MIPOL1: variants seen among roughly 807,000 people sequenced by gnomAD.
MIPOL1 encodes the protein mirror-image polydactyly gene 1 protein.
Under a neutral mutation model 60.9 loss-of-function variants are expected in MIPOL1, and 57 were observed. The ratio of observed to expected loss-of-function variants is 0.94; its 90% CI spans 0.76 to 1.17. The LOEUF (loss-of-function observed/expected upper bound fraction) is 1.17. Among genes scored for constraint, MIPOL1 ranks in the 50% most tolerant of loss-of-function variants. The pLI is 0.00. For missense variants in MIPOL1, 551 were observed against 511.6 expected, an observed-to-expected ratio of 1.08 and a Z score of -0.74; for synonymous variants, 179 against 168.8, an observed-to-expected ratio of 1.06 and a Z score of -0.47.
intron 9 of MIPOL1, among the ~76,000 whole-genome samples, chr14:37,363,138 A>G (rs976606103): frequency 6.6e-6 from 1 of 152,120 alleles, no homozygotes; most frequent in Non-Finnish European, 1.5e-5. Flanking sequence ...TTCTGCATCT[A>G]GCTTTGTTTC....
At chr14:37,269,679 GATT>G (rs2083144225) in intron 5 of MIPOL1, among the ~76,000 whole-genome samples, 1 of 152,144 alleles carries the variant, frequency 6.6e-6, no homozygotes, top group Admixed American at 6.6e-5. Flanking sequence ...CAGATATTAA[GATT>G]ATTGTCTTAA....
At chr14:37,455,947 A>G (rs142788856) in intron 11 of MIPOL1, among the ~76,000 whole-genome samples, 10 of 151,952 alleles carry the variant, frequency 6.6e-5, no homozygotes, top group Non-Finnish European at 1.3e-4. Context: ...GGGATTTATT[A>G]TATTTATATG....
intron 9 of MIPOL1, among the ~76,000 whole-genome samples, chr14:37,312,874 T>A (rs2153437589): frequency 6.6e-6 from 1 of 152,306 alleles, no homozygotes; most frequent in South Asian, 2.1e-4. Flanking sequence ...GATAAAGCTG[T>A]AAACTTCCAT....
intron 11 of MIPOL1, among the ~76,000 whole-genome samples, chr14:37,446,336 C>T (rs1205233893): frequency 6.6e-6 from 1 of 152,182 alleles, no homozygotes; most frequent in East Asian, 1.9e-4. Context: ...CTCACCATCA[C>T]TGGCCATCAG....
intron 9 of MIPOL1, among the ~76,000 whole-genome samples, chr14:37,309,052 TCTCTCTCATACC>T (rs1369167947): frequency 9.2e-5 from 14 of 152,132 alleles, no homozygotes; most frequent in Non-Finnish European, 1.9e-4. Context: ...GTGGCTGTGC[TCTCTCTCATACC>T]AGTTATACCA....
intron 6 of MIPOL1, among the ~76,000 whole-genome samples, chr14:37,273,549 A>G (rs1356496826): frequency 6.6e-6 from 1 of 150,830 alleles, no homozygotes; most frequent in Non-Finnish European, 1.5e-5. Context: ...TATGTTTATT[A>G]TGTATCTATA....
chr14:37,513,311 T>A (rs1176462030), intron 12 of MIPOL1, among the ~76,000 whole-genome samples: 1 of 152,140 alleles, frequency 6.6e-6, no homozygotes, highest in East Asian at 1.9e-4. Context: ...GTAGAGTGGA[T>A]CACCTTTCCC....
chr14:37,283,358 C>T (rs1292213186), intron 6 of MIPOL1, among the ~76,000 whole-genome samples: 10 of 152,042 alleles, frequency 6.6e-5, no homozygotes, highest in Admixed American at 3.3e-4. Flanking sequence ...TGAGCCACCA[C>T]GCCTGGCGCC....
At chr14:37,529,346 G>A (rs1351034890) in intron 12 of MIPOL1, among the ~76,000 whole-genome samples, 1 of 152,026 alleles carries the variant, frequency 6.6e-6, no homozygotes, top group African/African-American at 2.4e-5. Context: ...ACTACTGGTT[G>A]GATACATTAA....
chr14:37,296,869 C>A (rs2085768996), intron 7 of MIPOL1, among the ~76,000 whole-genome samples: 1 of 152,136 alleles, frequency 6.6e-6, no homozygotes, highest in Non-Finnish European at 1.5e-5. Flanking sequence ...CGAATTCTAC[C>A]AGAGGTACAA....
intron 10 of MIPOL1, among the ~76,000 whole-genome samples, chr14:37,389,314 C>A (rs2093168568): frequency 6.6e-6 from 1 of 151,886 alleles, no homozygotes; most frequent in Non-Finnish European, 1.5e-5. Context: ...TGTAGTAAAA[C>A]ACACTTCATT....
At chr14:37,437,466 A>G (rs1428753054) in intron 11 of MIPOL1, among the ~76,000 whole-genome samples, 1 of 152,204 alleles carries the variant, frequency 6.6e-6, no homozygotes, top group Non-Finnish European at 1.5e-5. Context: ...TTTGTCCTAG[A>G]AAGTTGGACG....
chr14:37,525,511 A>G (rs2095441290), intron 12 of MIPOL1, among the ~76,000 whole-genome samples: 3 of 152,176 alleles, frequency 2.0e-5, no homozygotes, highest in Non-Finnish European at 2.9e-5. Flanking sequence ...ATGGCATATG[A>G]ACAATATTGT....
chr14:37,500,291 A>G (rs1430868882), intron 12 of MIPOL1, among the ~76,000 whole-genome samples, 153 bp downstream of exon 12: 1 of 152,218 alleles, frequency 6.6e-6, no homozygotes, highest in African/African-American at 2.4e-5. Context: ...ATTGGATACC[A>G]TATGCCATAT....
chr14:37,351,728 T>C (rs1318857451), intron 9 of MIPOL1, among the ~76,000 whole-genome samples: 2 of 130,256 alleles, frequency 1.5e-5, no homozygotes, highest in Admixed American at 8.0e-5. Flanking sequence ...TGTCTGTTCA[T>C]GTCCTTTGCC....
At chr14:37,397,625 C>A (rs73267921) in intron 10 of MIPOL1, among the ~76,000 whole-genome samples, 11,812 of 152,038 alleles carry the variant, frequency 0.078, 1,538 homozygotes, top group African/African-American at 0.27. Context: ...GGGGGCAGGG[C>A]TAGGTATGTC....
chr14:37,316,763 A>G (rs1280192285), intron 9 of MIPOL1, among the ~76,000 whole-genome samples: 1 of 151,978 alleles, frequency 6.6e-6, no homozygotes, highest in Non-Finnish European at 1.5e-5. Flanking sequence ...GATGACCTGA[A>G]TTCCGGAGTT....
chr14:37,445,009 C>G (rs552001399), intron 11 of MIPOL1, among the ~76,000 whole-genome samples: 1 of 152,128 alleles, frequency 6.6e-6, no homozygotes, highest in Non-Finnish European at 1.5e-5. Flanking sequence ...CCTTTGAAAA[C>G]TGGCACAAGA....
intron 10 of MIPOL1, among the ~76,000 whole-genome samples, chr14:37,388,066 T>G (rs1371595531): frequency 2.0e-5 from 3 of 151,624 alleles, no homozygotes; most frequent in Non-Finnish European, 4.4e-5. Context: ...CAGAAAAAAA[T>G]GTTATCAGTG....
Sources: gnomAD v4.1 joint callset for allele counts (sites outside exome capture counted in the v4.1 genomes callset) on GRCh38, gnomAD v4.1.1 for gene constraint, MANE v1.5 for transcripts, NCBI Gene and HGNC (gene_info 2026-07-23, HGNC 2026-07-21) for gene names.